SORCS1: variants seen among roughly 807,000 people sequenced by gnomAD.
The protein encoded by SORCS1 is VPS10 domain-containing receptor SorCS1.
Under a neutral mutation model 146.1 loss-of-function variants are expected in SORCS1, and 60 were observed. The ratio of observed to expected loss-of-function variants is 0.41; its 90% CI spans 0.33 to 0.51. SORCS1 has a LOEUF of 0.51. Among genes scored for constraint, SORCS1 ranks in the 20% least tolerant of loss-of-function variants. The pLI is 0.21. For missense variants in SORCS1, 1,352 were observed against 1,487.6 expected (o/e 0.91, Z 1.50); for synonymous variants, 637 against 584.0 (o/e 1.09, Z -1.31).
chr10:107,073,984 T>C (rs749067871), intron 1 of SORCS1, among the ~76,000 whole-genome samples: 1 of 152,152 alleles, frequency 6.6e-6, no homozygotes. Flanking sequence ...TCCTCTATTA[T>C]CAATATCTCA....
chr10:107,164,142 G>A lies in SORCS1; in HGVS notation c.385C>T (p.Arg129Trp), dbSNP rs751488362. 2.5e-6 allele frequency: 4 copies of A among 1,613,036 alleles called. No homozygotes were observed. Among genetic ancestry groups the A allele is most frequent in the East Asian group, 4.5e-5 (2 of 44,832 alleles). ...TGCCCTCCATCTCTTAGCACTCCCCGGGGGCTCCGACTCGCGCCCTCTCCC... is the reference window on the plus strand; with the variant it reads ...TGCCCTCCATCTCTTAGCACTCCCCAGGGGCTCCGACTCGCGCCCTCTCCC... ...ERGEGASRSP[R>W]GVLRDGGQQE... Residue 129 changes from arginine (R) to tryptophan (W), a missense_variant, in exon 1 of 26, where the codon CGG (arginine) becomes TGG (tryptophan). By Grantham distance (101) the Arg-to-Trp change is moderately radical (BLOSUM62 -3). Around this residue, in one of 3 missense-constraint regions of SORCS1, gnomAD observed 490 missense variants for 489.1 expected, o/e 1.00. Coordinates refer to ENST00000263054, the MANE Select transcript of SORCS1 (RefSeq NM_052918.5). This position sits in a 1 kb window ranked among gnomAD's most constrained non-coding sequence, Gnocchi z 6.8.
At chr10:107,036,560 T>C (rs1958915605) in intron 1 of SORCS1, among the ~76,000 whole-genome samples, 1 of 152,170 alleles carries the variant, frequency 6.6e-6, no homozygotes, top group Admixed American at 6.5e-5. Context: ...CCACCAAGCC[T>C]AGAGGTGATC....
In SORCS1 at chr10:106,675,101, G is replaced by C; in HGVS notation, c.1888C>G (p.Leu630Val). 6.2e-7 allele frequency: 1 copy of C among 1,613,882 alleles called. No individual in the cohort carries two copies. The highest frequency in any genetic ancestry group is 8.5e-7 in the Non-Finnish European group (1 of 1,179,896). The change falls in exon 14 of 26, where the codon CTT becomes GTT. Residue 630 changes from leucine to valine, a missense_variant. Leu to Val is a conservative substitution (Grantham distance 32). This residue lies in a region of SORCS1 where 648 missense variants were observed against 793.8 expected (regional missense o/e 0.82). Coordinates refer to ENST00000263054, the MANE Select transcript of SORCS1 (RefSeq NM_052918.5). ...TCACCCAGAACCCCATCCACAAAAA[G>C]TGGAATAGATGTGAAACTGTATTTG... ...WSKYSFTSIP[L>V]FVDGVLGEPG... is the part of the protein sequence containing the mutation.
chr10:106,935,022 C>T (rs1490181104), intron 2 of SORCS1, among the ~76,000 whole-genome samples: 2 of 152,064 alleles, frequency 1.3e-5, no homozygotes, highest in African/African-American at 2.4e-5. Flanking sequence ...CTATACAATT[C>T]ATCCATGTAA....
chr10:106,950,308 A>G (rs990265139), intron 2 of SORCS1, among the ~76,000 whole-genome samples: 1 of 152,230 alleles, frequency 6.6e-6, no homozygotes, highest in Non-Finnish European at 1.5e-5. Flanking sequence ...GTTTGTTGAT[A>G]TCCAGCAAGG....
At chr10:106,822,465 C>T (rs979551832) in intron 3 of SORCS1, among the ~76,000 whole-genome samples, 49 of 152,228 alleles carry the variant, frequency 3.2e-4, no homozygotes, top group African/African-American at 1.0e-3. Flanking sequence ...AGAGAGCATT[C>T]TGCACTTATT....
At chr10:106,864,492 T>G (rs1950152498) in intron 2 of SORCS1, among the ~76,000 whole-genome samples, 4 of 152,176 alleles carry the variant, frequency 2.6e-5, no homozygotes. Flanking sequence ...TGCAGAGACG[T>G]GGGAACCTTA....
chr10:106,752,700 T>C (rs1055827057), intron 5 of SORCS1, among the ~76,000 whole-genome samples: 4 of 152,156 alleles, frequency 2.6e-5, no homozygotes, highest in African/African-American at 9.6e-5. Flanking sequence ...TATAGGAAGA[T>C]GAATGGAGAG....
chr10:106,976,225 T>A (rs1184036846), intron 1 of SORCS1, among the ~76,000 whole-genome samples: 9 of 151,410 alleles, frequency 5.9e-5, no homozygotes, highest in South Asian at 2.1e-4. Context: ...TTTTTTTTTT[T>A]AATTTTCAGT....
At chr10:107,145,109 A>G (rs1037646837) in intron 1 of SORCS1, among the ~76,000 whole-genome samples, 1 of 152,210 alleles carries the variant, frequency 6.6e-6, no homozygotes, top group Non-Finnish European at 1.5e-5. Context: ...GCTTATGTCC[A>G]TCAGCAAACA....
At chr10:107,009,550 T>C (rs1957604201) in intron 1 of SORCS1, among the ~76,000 whole-genome samples, 1 of 152,220 alleles carries the variant, frequency 6.6e-6, no homozygotes, top group Non-Finnish European at 1.5e-5. Flanking sequence ...GGACACAATG[T>C]TATTGAGTTT....
chr10:106,953,831 G>C (rs1954815052), intron 2 of SORCS1, among the ~76,000 whole-genome samples: 1 of 152,102 alleles, frequency 6.6e-6, no homozygotes, highest in African/African-American at 2.4e-5. Flanking sequence ...ATTGTATATG[G>C]TGTCATTGAC....
intron 2 of SORCS1, among the ~76,000 whole-genome samples, chr10:106,858,931 T>C (rs948680239): frequency 1.3e-5 from 2 of 152,178 alleles, no homozygotes; most frequent in African/African-American, 4.8e-5. Flanking sequence ...GTACCATCCA[T>C]TCTAGTTCTT....
At chr10:106,594,373 G>C (rs892845854) in intron 24 of SORCS1, among the ~76,000 whole-genome samples, 1 of 152,174 alleles carries the variant, frequency 6.6e-6, no homozygotes, top group Non-Finnish European at 1.5e-5. Flanking sequence ...TAGTGATGCT[G>C]TGATACATAA....
At chr10:106,738,488 A>G (rs1243077120) in intron 5 of SORCS1, among the ~76,000 whole-genome samples, 1 of 152,206 alleles carries the variant, frequency 6.6e-6, no homozygotes, top group African/African-American at 2.4e-5. Context: ...AGTTGTGGTC[A>G]GAGAAGCAGT....
Position 106,801,524 on chromosome 10 carries a change from A to ATTTTT in SORCS1, c.727-24837_727-24833dup, listed in dbSNP as rs34849434. 1.7e-4 allele frequency among the ~76,000 whole-genome samples: 19 copies of ATTTTT among 113,832 alleles called. 1 individual carries two copies. The highest frequency in any genetic ancestry group is 5.2e-4 in the African/African-American group (15 of 28,624). The allele number at this position is 113,832 out of a possible 152,430, so 74.7% of individuals were successfully genotyped here. A position where few individuals can be genotyped will look rare whatever the true frequency, so the allele number is the denominator to read the frequency against. On this transcript the variant is annotated intron_variant, in intron 3 of 25. Coordinates refer to ENST00000263054, the MANE Select transcript of SORCS1 (RefSeq NM_052918.5). Reference sequence around the variant, plus strand: ...TTGGGCAGGAACTATTAGTATAGCCATTTTTTTTTTTTTTTTTTTTTTGAG... The same window carrying ATTTTT: ...TTGGGCAGGAACTATTAGTATAGCCATTTTTTTTTTTTTTTTTTTTTTTTTTTGAG...
chr10:107,103,206 G>A (rs1396682395), intron 1 of SORCS1, among the ~76,000 whole-genome samples: 1 of 152,202 alleles, frequency 6.6e-6, no homozygotes, highest in African/African-American at 2.4e-5. Context: ...CAGAGAGAGA[G>A]TTGGATCTGC....
intron 18 of SORCS1, among the ~76,000 whole-genome samples, chr10:106,639,089 A>G (rs1003306778): frequency 2.0e-5 from 3 of 152,232 alleles, no homozygotes; most frequent in African/African-American, 7.2e-5. Flanking sequence ...GTAGAGACTT[A>G]CCACTGCACA....
chr10:107,114,421 C>T (rs953018034), intron 1 of SORCS1, among the ~76,000 whole-genome samples: 1 of 152,094 alleles, frequency 6.6e-6, no homozygotes, highest in African/African-American at 2.4e-5. Context: ...TTAAAAGGAT[C>T]ATACACCATG....
Sources: gnomAD v4.1 joint callset for allele counts (sites outside exome capture counted in the v4.1 genomes callset) on GRCh38, gnomAD v4.1.1 for gene constraint, gnomAD v4.1.1 regional missense constraint, Gnocchi (gnomAD v3.1) non-coding constraint, MANE v1.5 for transcripts, NCBI Gene and HGNC (gene_info 2026-07-23, HGNC 2026-07-21) for gene names.